Variants in ATP6V1C2 observed in about 807,000 individuals in gnomAD.
The protein encoded by ATP6V1C2 is ATPase H+ transporting V1 subunit C2, also known as V-type proton ATPase subunit C 2.
ATP6V1C2 carries 45 observed loss-of-function variants against 56.8 expected under a neutral mutation model. That is an observed-to-expected ratio of 0.79 (90% confidence interval 0.62 to 1.02). The LOEUF (loss-of-function observed/expected upper bound fraction) is 1.02. Ranked by LOEUF, ATP6V1C2 falls within the 50% of genes least tolerant of loss-of-function variation. The probability of loss-of-function intolerance (pLI) is 0.00; values close to 1 mark genes in which losing one functional copy is unlikely to be tolerated. For synonymous variants in ATP6V1C2, 220 were observed against 201.3 expected, an observed-to-expected ratio of 1.09 and a Z score of -0.79; for missense variants, 463 against 519.7, an observed-to-expected ratio of 0.89 and a Z score of 1.06.
intron 3 of ATP6V1C2, among the ~76,000 whole-genome samples, chr2:10,740,914 C>T (rs1360983340): frequency 2.6e-5 from 4 of 152,124 alleles, no homozygotes; most frequent in Non-Finnish European, 4.4e-5. Context: ...CTCAAACTCC[C>T]GACCTCAGGT....
Position 10,724,097 on chromosome 2 carries a change from C to T in ATP6V1C2, c.129+1119C>T, listed in dbSNP as rs537536134. On this transcript the variant is annotated intron_variant, in intron 2 of 13. Coordinates refer to ENST00000272238, the MANE Select transcript of ATP6V1C2 (RefSeq NM_001039362.2). ...TTTACTTCAAAAAGAGTGGACTTACCGTGGTGCTTTCTGAGGCTGTAGGTT... is the reference window on the plus strand; with the variant it reads ...TTTACTTCAAAAAGAGTGGACTTACTGTGGTGCTTTCTGAGGCTGTAGGTT... Among the ~76,000 whole-genome samples the T allele has an allele frequency of 2.6e-5, 4 of 152,196 alleles. No homozygotes were observed. In the East Asian group the frequency reaches 7.8e-4, roughly 30 times the overall value.
intron 12 of ATP6V1C2, among the ~76,000 whole-genome samples, chr2:10,781,980 C>T (rs964007283): frequency 4.6e-5 from 7 of 152,238 alleles, no homozygotes; most frequent in Non-Finnish European, 7.3e-5. Context: ...GAGCATGCAC[C>T]GTGGAATGGC....
rs576463694 is a variant in ATP6V1C2, at chr2:10,739,531, C to T, written c.197+12962C>T. Among the ~76,000 whole-genome samples, 377 of 152,034 alleles carry T rather than the reference C, an allele frequency of 2.5e-3. 14 individuals are homozygous for T. The South Asian group carries it at 0.076, about 31-fold the overall frequency. On this transcript the variant is annotated intron_variant, in intron 3 of 13. Transcript: ENST00000272238. Reference sequence around the variant, plus strand: ...GCCTTGGTCCTATGCCTGGAAGACCCCCCACCCACCACCCCAGCCTAGCAG... The same window carrying T: ...GCCTTGGTCCTATGCCTGGAAGACCTCCCACCCACCACCCCAGCCTAGCAG...
intron 12 of ATP6V1C2, among the ~76,000 whole-genome samples, chr2:10,779,657 G>A (rs1235721813): frequency 2.1e-5 from 3 of 139,916 alleles, no homozygotes; most frequent in African/African-American, 8.1e-5. Context: ...CTGCACTCGA[G>A]CCTGGGCAAC....
chr2:10,739,815 A>C (rs1662447706), intron 3 of ATP6V1C2, among the ~76,000 whole-genome samples: 1 of 152,024 alleles, frequency 6.6e-6, no homozygotes. Flanking sequence ...AAACTTTACC[A>C]ATGGTCGGGC....
At chr2:10,728,709 G>C (rs1339357572) in intron 3 of ATP6V1C2, among the ~76,000 whole-genome samples, 1 of 148,806 alleles carries the variant, frequency 6.7e-6, no homozygotes, top group Admixed American at 6.8e-5. Context: ...CTGGAAGTTT[G>C]AAGCTGCAGT....
At chr2:10,752,053 C>T (rs1663248006) in intron 3 of ATP6V1C2, among the ~76,000 whole-genome samples, 1 of 151,686 alleles carries the variant, frequency 6.6e-6, no homozygotes, top group African/African-American at 2.4e-5. Flanking sequence ...GACAGAGTGA[C>T]ATCCTGCCTC....
chr2:10,764,910 G>A (rs1664132286), intron 5 of ATP6V1C2, among the ~76,000 whole-genome samples: 1 of 151,990 alleles, frequency 6.6e-6, no homozygotes, highest in Non-Finnish European at 1.5e-5. Flanking sequence ...GGTGGAGGTT[G>A]CAGTGAGCCG....
intron 3 of ATP6V1C2, among the ~76,000 whole-genome samples, chr2:10,740,414 C>T (rs1354358014): frequency 6.6e-6 from 1 of 152,166 alleles, no homozygotes; most frequent in African/African-American, 2.4e-5. Flanking sequence ...GCAGGTTGCA[C>T]AACTCCAGGG....
chr2:10,779,353 G>A (rs902466864), intron 12 of ATP6V1C2, among the ~76,000 whole-genome samples: 2 of 147,482 alleles, frequency 1.4e-5, no homozygotes. Flanking sequence ...CAGATGATCC[G>A]CCCACCTTGG....
At chr2:10,779,136 C>T (rs1407727127) in intron 12 of ATP6V1C2, among the ~76,000 whole-genome samples, 1 of 151,748 alleles carries the variant, frequency 6.6e-6, no homozygotes, top group African/African-American at 2.4e-5. Context: ...TGGAGTTTCA[C>T]TCTTGTCGCC....
intron 3 of ATP6V1C2, 129 bp downstream of exon 3, chr2:10,726,698 A>G (rs1054305083): frequency 4.8e-5 from 39 of 811,758 alleles, no homozygotes; most frequent in Non-Finnish European, 7.4e-5. Context: ...GAGCAGAGAA[A>G]ACCGATCAGT....
chr2:10,755,532 C>T (rs1405367595), intron 4 of ATP6V1C2, among the ~76,000 whole-genome samples: 1 of 152,154 alleles, frequency 6.6e-6, no homozygotes, highest in East Asian at 1.9e-4. Flanking sequence ...AGTTGTTCCC[C>T]TTCATAAATT....
chr2:10,746,094 G>A (rs1386963658), intron 3 of ATP6V1C2, among the ~76,000 whole-genome samples: 6 of 152,050 alleles, frequency 3.9e-5, no homozygotes, highest in Non-Finnish European at 7.4e-5. Flanking sequence ...CCACCTCCTG[G>A]GTTTAAGCAA....
intron 4 of ATP6V1C2, among the ~76,000 whole-genome samples, chr2:10,759,743 C>T (rs957233250): frequency 6.6e-6 from 1 of 152,108 alleles, no homozygotes; most frequent in Non-Finnish European, 1.5e-5. Flanking sequence ...CTTTGGGTGT[C>T]TCAGCCTCAT....
In ATP6V1C2 at chr2:10,772,477, A is replaced by G. The variant is rs1052701020; in HGVS notation, c.570-65A>G. On this transcript the variant is annotated intron_variant, in intron 7 of 13. Coordinates refer to ENST00000272238, the MANE Select transcript of ATP6V1C2 (RefSeq NM_001039362.2). ...CAGGAAAAGGGGTGTGCAGCTTCCT[A>G]GGCACTCAGGACACCCACGAGCCTT... 3 of 1,360,426 alleles carry G rather than the reference A, an allele frequency of 2.2e-6. No individual in the cohort carries two copies. The South Asian group carries it at 3.5e-5, about 16-fold the overall frequency. The allele number at this position is 1,360,426 out of a possible 1,614,324, so 84.3% of individuals were successfully genotyped here.
chr2:10,771,910 T>C lies in ATP6V1C2; in HGVS notation c.542T>C (p.Leu181Pro). ...GACTTCGTGCTGGATTCTGAATATC[T>C]CGTCACACTTCTGGTCATCGTCCCC... ...KEDFVLDSEYLVTLLVIVPKP... is the reference protein window; with the variant it reads ...KEDFVLDSEYPVTLLVIVPKP... The change falls in exon 7 of 14, where the codon CTC becomes CCC. Residue 181 changes from leucine to proline, a missense_variant. Physicochemically the swap from Leu to Pro is moderately conservative, Grantham distance 98. Transcript: ENST00000272238. The C allele has an allele frequency of 6.2e-7, 1 of 1,614,048 alleles. No homozygotes were observed. Among genetic ancestry groups the C allele is most frequent in the South Asian group, 1.1e-5 (1 of 91,078 alleles).
At position 10,726,898 on chromosome 2, in the gene ATP6V1C2, G is replaced by A. The variant is rs1232049427; in HGVS notation, c.197+329G>A. ...GTTTGTTTATTTTTTAGTAATAAATGCTCATAGCACAAAATTTCAACTACA... is the reference window on the plus strand; with the variant it reads ...GTTTGTTTATTTTTTAGTAATAAATACTCATAGCACAAAATTTCAACTACA... On this transcript the variant is annotated intron_variant, in intron 3 of 13. Transcript: ENST00000272238. 4.6e-5 allele frequency among the ~76,000 whole-genome samples: 7 copies of A among 152,108 alleles called. No individual in the cohort carries two copies. The East Asian group carries it at 1.3e-3, about 29-fold the overall frequency.
At chr2:10,760,116 G>A (rs1296801141) in intron 4 of ATP6V1C2, among the ~76,000 whole-genome samples, 1 of 150,060 alleles carries the variant, frequency 6.7e-6, no homozygotes, top group Non-Finnish European at 1.5e-5. Context: ...GCTCATGCCT[G>A]TAATCCAGCA....
Sources: allele counts gnomAD v4.1 joint callset (sites outside exome capture counted in the v4.1 genomes callset), GRCh38; gene constraint gnomAD v4.1.1; transcripts MANE v1.5; gene names NCBI Gene and HGNC (gene_info 2026-07-23, HGNC 2026-07-21).